The following PGBD5 variants were observed in gnomAD, a reference collection of about 807,000 sequenced individuals.
The protein encoded by PGBD5 is piggyBac transposable element-derived protein 5.
PGBD5 carries 14 observed loss-of-function variants against 47.9 expected under a neutral mutation model. The ratio of observed to expected loss-of-function variants is 0.29; its 90% confidence interval spans 0.19 to 0.46. The LOEUF (loss-of-function observed/expected upper bound fraction) is 0.46, where lower values mean the gene tolerates loss of function less well. PGBD5 is among the 20% of genes least tolerant of loss of function. PGBD5 has a pLI of 1.00. For synonymous variants in PGBD5, 316 were observed against 306.3 expected (o/e 1.03, Z -0.33); for missense variants, 635 against 716.0 (o/e 0.89, Z 1.29).
rs540475570 is a variant in PGBD5 at position 230,362,254 on chromosome 1, C to T, written c.332-4933G>A. 31 of 1,362,570 alleles carry T rather than the reference C, an allele frequency of 2.3e-5. No individual in the cohort carries two copies. The South Asian group carries it at 3.4e-4, about 15-fold the overall frequency. 84.4% of individuals were successfully genotyped at this position (1,362,570 alleles called of 1,614,324 possible). The stretch of plus-strand genomic sequence containing the variant: ...GTGAGACCTGGCTGGGATTTAGCTT[C>T]CTCTACCAGCTCCTTCACCTCCATG... On this transcript the variant is annotated intron_variant, in intron 1 of 6. Transcript: ENST00000391860.
intron 1 of PGBD5, among the ~76,000 whole-genome samples, chr1:230,408,313 A>G (rs1657341590): frequency 7.3e-6 from 1 of 137,778 alleles, no homozygotes; most frequent in African/African-American, 2.5e-5. Flanking sequence ...GCAAACATTT[A>G]CCCACTTGGA....
chr1:230,341,597 C>A (rs900515088), intron 3 of PGBD5, among the ~76,000 whole-genome samples: 1 of 152,178 alleles, frequency 6.6e-6, no homozygotes, highest in East Asian at 1.9e-4. Context: ...AAGAGCTCCC[C>A]AGACACGACA....
intron 1 of PGBD5, among the ~76,000 whole-genome samples, chr1:230,362,947 T>C (rs1343096814): frequency 6.6e-6 from 1 of 151,984 alleles, no homozygotes; most frequent in Non-Finnish European, 1.5e-5. Flanking sequence ...GTGGTGAAAG[T>C]ACAGTGGGCA....
chr1:230,339,451 T>G (rs991514135), intron 3 of PGBD5, among the ~76,000 whole-genome samples: 14 of 152,006 alleles, frequency 9.2e-5, no homozygotes, highest in African/African-American at 3.4e-4. Context: ...AGTATGGAAG[T>G]TCCTCAAAAA....
chr1:230,335,784 C>A (rs1327905920), intron 4 of PGBD5, among the ~76,000 whole-genome samples: 2 of 115,614 alleles, frequency 1.7e-5, no homozygotes, highest in African/African-American at 6.5e-5. Context: ...GACACACACA[C>A]ACACACAGGC....
chr1:230,410,223 G>A (rs889636545), intron 1 of PGBD5, among the ~76,000 whole-genome samples: 5 of 152,088 alleles, frequency 3.3e-5, no homozygotes, highest in Non-Finnish European at 4.4e-5. Flanking sequence ...AAAGGTAGAC[G>A]TATGTGTGCA....
chr1:230,314,774 G>T lies in PGBD5; in HGVS notation c.*8651C>A, dbSNP rs1170656816. 2.0e-5 allele frequency: 3 copies of T among 151,956 alleles called. No homozygotes were observed. Among genetic ancestry groups the T allele is most frequent in the Non-Finnish European group, 2.9e-5 (2 of 68,006 alleles). The allele number at this position is 151,956 out of a possible 1,614,324, so 9.4% of individuals were successfully genotyped here. On this transcript the variant is annotated 3_prime_UTR_variant, in exon 7 of 7. Coordinates refer to ENST00000391860, the MANE Select transcript of PGBD5 (RefSeq NM_001258311.2). ...GGGGGTGCAGCTGTGTGATATCTGT[G>T]CAGTTTGTGATAAAATTAAAAATTT...
chr1:230,380,835 G>A (rs559401743), intron 1 of PGBD5, among the ~76,000 whole-genome samples: 1 of 152,326 alleles, frequency 6.6e-6, no homozygotes, highest in East Asian at 1.9e-4. Flanking sequence ...TCAAGAGAAA[G>A]CTTAAGTGGA....
intron 3 of PGBD5, among the ~76,000 whole-genome samples, chr1:230,345,446 G>A (rs1667461598): frequency 6.6e-6 from 1 of 152,232 alleles, no homozygotes; most frequent in Non-Finnish European, 1.5e-5. Flanking sequence ...GCAGATGAGG[G>A]GAGAGGAGGG....
intron 1 of PGBD5, among the ~76,000 whole-genome samples, chr1:230,411,381 T>C (rs1304847452): frequency 6.6e-6 from 1 of 152,228 alleles, no homozygotes; most frequent in Non-Finnish European, 1.5e-5. Flanking sequence ...GTAGAAATTT[T>C]TTAAATCATT....
intron 3 of PGBD5, among the ~76,000 whole-genome samples, chr1:230,340,109 TA>T (rs1239232454): frequency 1.3e-5 from 2 of 152,198 alleles, no homozygotes; most frequent in Non-Finnish European, 2.9e-5. Context: ...ATACTATTTT[TA>T]TTTGTCAATT....
At chr1:230,377,957 T>A (rs899727096) in intron 1 of PGBD5, among the ~76,000 whole-genome samples, 2 of 152,352 alleles carry the variant, frequency 1.3e-5, no homozygotes, top group Admixed American at 1.3e-4. Context: ...AGCAATGTGA[T>A]ATTTATACAG....
rs537679686 is a variant in PGBD5, at chr1:230,356,041, C to G, written c.759+853G>C. 3.2e-4 allele frequency among the ~76,000 whole-genome samples: 48 copies of G among 152,304 alleles called. No individual in the cohort carries two copies. In the South Asian group the frequency reaches 9.5e-3, roughly 30 times the overall value. ...ATTTAGAAGAGCCTTAGAAGCAGCA[C>G]AGGACAGAGAGATGTGCAGTGGGTC... On this transcript the variant is annotated intron_variant, in intron 2 of 6. Transcript: ENST00000391860.
Position 230,425,163 on chromosome 1 carries a change from GC to G in PGBD5, c.331+434del, listed in dbSNP as rs1450431475. 6.6e-6 allele frequency among the ~76,000 whole-genome samples: 1 copy of G among 151,868 alleles called. No homozygotes were observed. Among genetic ancestry groups the G allele is most frequent in the African/African-American group, 2.4e-5 (1 of 41,330 alleles). ...CCTACCTGCCTCGCCCGCGTCACCT[GC>G]TGTAAGGCTTGCTCTTGGGCTGTCA... On this transcript the variant is annotated intron_variant, in intron 1 of 6. Coordinates refer to ENST00000391860, the MANE Select transcript of PGBD5 (RefSeq NM_001258311.2). This position sits in a 1 kb window ranked among gnomAD's most constrained non-coding sequence, Gnocchi z 4.7.
chr1:230,392,001 G>A (rs1185980456), intron 1 of PGBD5, among the ~76,000 whole-genome samples: 2 of 152,106 alleles, frequency 1.3e-5, no homozygotes, highest in Non-Finnish European at 2.9e-5. Flanking sequence ...GGTTAGAAAG[G>A]AACAGAAGAT....
rs1666930553 is a variant in PGBD5 at position 230,315,904 on chromosome 1, A to G, written c.*7521T>C. 2 of 148,796 alleles carry G rather than the reference A, an allele frequency of 1.3e-5. 1 individual carries two copies. The highest frequency in any genetic ancestry group is 4.2e-4 in the South Asian group (2 of 4,756). 9.2% of individuals were successfully genotyped at this position (148,796 alleles called of 1,614,324 possible). ...GATACATACATATTTATGTGTACAC[A>G]TATATGTATATGTGTATATGTGTAC... On this transcript the variant is annotated 3_prime_UTR_variant, in exon 7 of 7. Coordinates refer to ENST00000391860, the MANE Select transcript of PGBD5 (RefSeq NM_001258311.2).
intron 5 of PGBD5, among the ~76,000 whole-genome samples, chr1:230,328,002 A>G (rs1231476242): frequency 2.0e-5 from 3 of 152,108 alleles, no homozygotes; most frequent in African/African-American, 7.2e-5. Context: ...AGCAGGTGAG[A>G]CCATCCCTAT....
intron 1 of PGBD5, among the ~76,000 whole-genome samples, chr1:230,396,281 C>T (rs543986074): frequency 1.7e-4 from 4 of 23,252 alleles, no homozygotes; most frequent in Admixed American, 4.4e-4. Flanking sequence ...TACCCCCACA[C>T]TCTTCCCTTT....
chr1:230,325,898 G>A (rs1667108693), intron 5 of PGBD5, among the ~76,000 whole-genome samples: 6 of 152,064 alleles, frequency 3.9e-5, no homozygotes, highest in Admixed American at 2.0e-4. Context: ...AGGGGTGTCG[G>A]CAACTCGTCA....
Sources: gnomAD v4.1 joint callset for allele counts (sites outside exome capture counted in the v4.1 genomes callset) on GRCh38, gnomAD v4.1.1 for gene constraint, Gnocchi (gnomAD v3.1) non-coding constraint, MANE v1.5 for transcripts, NCBI Gene and HGNC (gene_info 2026-07-23, HGNC 2026-07-21) for gene names.